NCAN: variants seen among roughly 807,000 people sequenced by gnomAD.
NCAN encodes neurocan core protein.
NCAN carries 47 observed loss-of-function variants against 121.8 expected under a neutral mutation model. That is an observed-to-expected ratio of 0.39 (90% CI 0.31 to 0.49). The LOEUF (loss-of-function observed/expected upper bound fraction) is 0.49, where lower values mean the gene tolerates loss of function less well. Among genes scored for constraint, NCAN ranks in the 20% least tolerant of loss-of-function variants. The probability of loss-of-function intolerance (pLI) is 0.92; values close to 1 mark genes in which losing one functional copy is unlikely to be tolerated. For synonymous variants in NCAN, 633 were observed against 702.0 expected, an observed-to-expected ratio of 0.90 and a Z score of 1.55; for missense variants, 1,517 against 1,773.4, an observed-to-expected ratio of 0.86 and a Z score of 2.60.
chr19:19,232,299 T>C (rs1303934732), intron 8 of NCAN, among the ~76,000 whole-genome samples: 1 of 152,128 alleles, frequency 6.6e-6, no homozygotes, highest in Non-Finnish European at 1.5e-5. Context: ...GCAGAAGAAA[T>C]GCTAATGAAG....
chr19:19,224,317 C>A lies in NCAN; in HGVS notation c.662C>A (p.Thr221Asn), dbSNP rs1195031032. 6.2e-7 allele frequency: 1 copy of A among 1,613,910 alleles called. No homozygotes were observed. Residue 221 changes from threonine to asparagine, a missense_variant, in exon 5 of 15, where the codon ACC (threonine) becomes AAC (asparagine). Coordinates refer to ENST00000252575, the MANE Select transcript of NCAN (RefSeq NM_004386.3). ...LSDRTVRYPI[T>N]QSRPGCYGDR... ...CCTTGTGTTGTCAGGTATCCTATCA[C>A]CCAGTCCCGTCCTGGTTGCTATGGC... is the stretch of plus-strand genomic sequence containing the variant.
rs551532095 is a variant in NCAN at position 19,225,472 on chromosome 19, A to C, written c.1072+202A>C. ...TCCCTAGGAGCCCCGTCCTGGGTAA[A>C]GAACAGGGCTCCAGAGGAGGCCACT... On this transcript the variant is annotated intron_variant, in intron 6 of 14. Coordinates refer to ENST00000252575, the MANE Select transcript of NCAN (RefSeq NM_004386.3). The surrounding 1 kb of genome is among the most constrained non-coding windows in gnomAD (Gnocchi z 4.0). 6.6e-6 allele frequency among the ~76,000 whole-genome samples: 1 copy of C among 152,304 alleles called. No individual in the cohort carries two copies. Among genetic ancestry groups the C allele is most frequent in the Non-Finnish European group, 1.5e-5 (1 of 68,010 alleles).
Position 19,224,093 on chromosome 19 carries a change from G to C in NCAN, c.548G>C (p.Arg183Pro). ...TTCGCTGAGGCCCAGGAGGCCTGCC[G>C]TCTCAGCTCAGCCATCATTGCAGCC... The part of the protein sequence containing the change: ...LTFAEAQEAC[R>P]LSSAIIAAPR... The change falls in exon 4 of 15, where the codon CGT (arginine) becomes CCT (proline). Residue 183 changes from arginine (R) to proline (P), a missense_variant. Transcript: ENST00000252575. The C allele has an allele frequency of 2.5e-6, 4 of 1,606,618 alleles. No individual in the cohort carries two copies. The highest frequency in any genetic ancestry group is 3.4e-6 in the Non-Finnish European group (4 of 1,174,234).
chr19:19,223,208 G>A (rs982552118), intron 3 of NCAN, among the ~76,000 whole-genome samples: 5 of 152,008 alleles, frequency 3.3e-5, no homozygotes, highest in Admixed American at 2.0e-4. Flanking sequence ...CCCTATTAGC[G>A]CATGCACTTA....
intron 4 of NCAN, 34 bp downstream of exon 4, chr19:19,224,229 C>G (rs960032568): frequency 1.2e-5 from 19 of 1,589,174 alleles, no homozygotes; most frequent in Non-Finnish European, 1.6e-5. Context: ...GAGATGAAGA[C>G]TAGCTCATGG....
chr19:19,223,925 A>C lies in NCAN; in HGVS notation c.476-96A>C, dbSNP rs555261891. ...GCCTGGCGCTAGGTCTATTATTATC[A>C]GACAGGGGTGGGGAGTCATTCTGCA... On this transcript the variant is annotated intron_variant, in intron 3 of 14. Coordinates refer to ENST00000252575, the MANE Select transcript of NCAN (RefSeq NM_004386.3). 18 of 1,286,788 alleles carry C rather than the reference A, an allele frequency of 1.4e-5. No homozygotes were observed. The South Asian group carries it at 3.0e-4, about 21-fold the overall frequency. The allele number at this position is 1,286,788 out of a possible 1,614,324, so 79.7% of individuals were successfully genotyped here.
intron 1 of NCAN, among the ~76,000 whole-genome samples, chr19:19,214,346 G>C (rs1395412171): frequency 6.6e-6 from 1 of 152,162 alleles, no homozygotes; most frequent in African/African-American, 2.4e-5. Flanking sequence ...GCCCCAGACA[G>C]CTGTGTAAAT....
intron 12 of NCAN, 91 bp from the exon 13 acceptor site, chr19:19,245,222 G>T: frequency 1.3e-6 from 2 of 1,492,662 alleles, no homozygotes; most frequent in South Asian, 2.6e-5. Context: ...AGTTTGAGGG[G>T]TCTGGCCAGG....
chr19:19,214,347 C>T (rs1164699231), intron 1 of NCAN, among the ~76,000 whole-genome samples: 3 of 152,136 alleles, frequency 2.0e-5, no homozygotes, highest in Non-Finnish European at 2.9e-5. Context: ...CCCCAGACAG[C>T]TGTGTAAATG....
intron 8 of NCAN, among the ~76,000 whole-genome samples, chr19:19,233,267 A>C (rs1450720084): frequency 6.6e-6 from 1 of 151,946 alleles, no homozygotes; most frequent in Non-Finnish European, 1.5e-5. Flanking sequence ...CAAAAAATTT[A>C]ATTCCACTGG....
rs776986437 is a variant in NCAN at position 19,218,940 on chromosome 19, C to T, written c.99C>T (p.Ser33=). ...GCACACAGGATATCACCGATGCCAG[C>T]GAAAGGGGGCTCCACATGCAGAAGC... ...EQGTQDITDA[S]ERGLHMQKLG... Residue 33 remains serine (S), a synonymous_variant, in exon 3 of 15, where the codon AGC becomes AGT. Coordinates refer to ENST00000252575, the MANE Select transcript of NCAN (RefSeq NM_004386.3). 1.1e-5 allele frequency: 16 copies of T among 1,522,824 alleles called. No homozygotes were observed. The highest frequency in any genetic ancestry group is 4.3e-5 in the Admixed American group (2 of 47,048). The allele number at this position is 1,522,824 out of a possible 1,614,324, so 94.3% of individuals were successfully genotyped here.
chr19:19,233,270 T>A (rs1477033293), intron 8 of NCAN, among the ~76,000 whole-genome samples: 1 of 151,982 alleles, frequency 6.6e-6, no homozygotes, highest in African/African-American at 2.4e-5. Flanking sequence ...AAAATTTAAT[T>A]CCACTGGGCA....
At chr19:19,249,611 C>G (rs1423674875) in intron 14 of NCAN, among the ~76,000 whole-genome samples, 155 bp from the exon 15 acceptor site, 1 of 152,162 alleles carries the variant, frequency 6.6e-6, no homozygotes, top group Non-Finnish European at 1.5e-5. Context: ...AAGAGATCCT[C>G]CCACTTTGGC....
At chr19:19,241,878 A>C (rs1412468665) in intron 12 of NCAN, among the ~76,000 whole-genome samples, 1 of 152,034 alleles carries the variant, frequency 6.6e-6, no homozygotes, top group Non-Finnish European at 1.5e-5. Context: ...GCATATAATA[A>C]AATTGCACTT....
chr19:19,247,496 G>C (rs529688894), intron 13 of NCAN, among the ~76,000 whole-genome samples: 1 of 151,962 alleles, frequency 6.6e-6, no homozygotes, highest in Non-Finnish European at 1.5e-5. Context: ...CTTGTGATCC[G>C]CCTGCCTCGG....
chr19:19,217,488 C>G (rs1246978718), intron 2 of NCAN, among the ~76,000 whole-genome samples: 1 of 152,220 alleles, frequency 6.6e-6, no homozygotes, highest in Non-Finnish European at 1.5e-5. Flanking sequence ...GACATTGCTA[C>G]TCTGCAGATG....
rs1490948699 is a variant in NCAN at position 19,248,764 on chromosome 19, C to T, written c.3702C>T (p.Tyr1234=). The T allele has an allele frequency of 6.2e-7, 1 of 1,614,104 alleles. No homozygotes were observed. Among genetic ancestry groups the T allele is most frequent in the Non-Finnish European group, 8.5e-7 (1 of 1,180,042 alleles). The part of the protein sequence containing the change: ...ASLIGARKAK[Y]NVHATVRYQC... ...TCATCGGTGCCCGCAAGGCCAAGTA[C>T]AATGTCCATGCCACTGTAAGGTACC... The change falls in exon 14 of 15, where the codon TAC becomes TAT. Residue 1234 remains tyrosine, a synonymous_variant. Transcript: ENST00000252575.
At chr19:19,243,854 C>T (rs2060913781) in intron 12 of NCAN, among the ~76,000 whole-genome samples, 2 of 151,784 alleles carry the variant, frequency 1.3e-5, no homozygotes, top group South Asian at 4.2e-4. Flanking sequence ...GGTGAAACCC[C>T]ATCTCTACTG....
At chr19:19,235,427 C>A (rs571601579) in intron 10 of NCAN, among the ~76,000 whole-genome samples, 1 of 151,870 alleles carries the variant, frequency 6.6e-6, no homozygotes, top group Non-Finnish European at 1.5e-5. Context: ...CCCGCCACCA[C>A]GCCTGGCTAA....
Sources: allele counts gnomAD v4.1 joint callset (sites outside exome capture counted in the v4.1 genomes callset), GRCh38; gene constraint gnomAD v4.1.1; non-coding constraint Gnocchi (gnomAD v3.1); transcripts MANE v1.5; gene names NCBI Gene and HGNC (gene_info 2026-07-23, HGNC 2026-07-21).